Variants in MYRIP observed in about 807,000 individuals in gnomAD.
The protein encoded by MYRIP is rab effector MyRIP.
MYRIP carries 49 observed loss-of-function variants against 98.0 expected under a neutral mutation model. The ratio of observed to expected loss-of-function variants is 0.50; its 90% CI spans 0.40 to 0.63. The LOEUF is 0.63. Ranked by LOEUF, MYRIP falls within the 30% of genes least tolerant of loss-of-function variation. MYRIP has a pLI of 0.00. For synonymous variants in MYRIP, 404 were observed against 409.5 expected (o/e 0.99, Z 0.16); for missense variants, 1,004 against 1,058.2 (o/e 0.95, Z 0.71).
At chr3:40,035,241 T>TA (rs571477346) in intron 2 of MYRIP, among the ~76,000 whole-genome samples, 187 of 150,796 alleles carry the variant, frequency 1.2e-3, no homozygotes, top group Non-Finnish European at 2.1e-3. Context: ...TTTTAAAAAT[T>TA]AAAAAAAAGA....
intron 11 of MYRIP, among the ~76,000 whole-genome samples, chr3:40,215,516 G>A (rs947398625): frequency 6.6e-6 from 1 of 152,078 alleles, no homozygotes; most frequent in African/African-American, 2.4e-5. Context: ...CCCAATCCTG[G>A]TGAATGGTGA....
chr3:40,222,138 C>T (rs1037508996), intron 11 of MYRIP, among the ~76,000 whole-genome samples: 3 of 152,202 alleles, frequency 2.0e-5, no homozygotes, highest in South Asian at 2.1e-4. Flanking sequence ...AGGTACTGCT[C>T]CTTGCACAGC....
Position 40,209,562 on chromosome 3 carries a change from C to T in MYRIP, c.1666-292C>T, listed in dbSNP as rs547034546. 1.5e-3 allele frequency among the ~76,000 whole-genome samples: 224 copies of T among 151,926 alleles called. 3 individuals are homozygous for T. Among genetic ancestry groups the T allele is most frequent in the African/African-American group, 5.2e-3 (215 of 41,418 alleles). On this transcript the variant is annotated intron_variant, in intron 10 of 16. Coordinates refer to ENST00000302541, the MANE Select transcript of MYRIP (RefSeq NM_015460.4). The stretch of plus-strand genomic sequence containing the variant: ...GGTCAGGTTCTCCAAGCATCCTTTG[C>T]ACCAGCACAGTGCTGCCCATGGTAG...
intron 2 of MYRIP, among the ~76,000 whole-genome samples, chr3:39,962,633 G>C (rs1325838901): frequency 6.6e-6 from 1 of 152,078 alleles, no homozygotes; most frequent in Admixed American, 6.6e-5. Flanking sequence ...GGGCTGTAGT[G>C]CAGTTACTTC....
chr3:40,084,987 AAT>A (rs1307186336), intron 3 of MYRIP, among the ~76,000 whole-genome samples: 2 of 150,134 alleles, frequency 1.3e-5, no homozygotes, highest in African/African-American at 2.5e-5. Flanking sequence ...ACATATCGAT[AAT>A]ATATATCTGT....
At chr3:40,048,869 A>C (rs1372329108) in intron 3 of MYRIP, among the ~76,000 whole-genome samples, 1 of 152,206 alleles carries the variant, frequency 6.6e-6, no homozygotes, top group African/African-American at 2.4e-5. Flanking sequence ...TGGAAGTTCT[A>C]TAGAAAATGG....
At chr3:39,972,138 A>G (rs1945599304) in intron 2 of MYRIP, among the ~76,000 whole-genome samples, 1 of 152,080 alleles carries the variant, frequency 6.6e-6, no homozygotes, top group Non-Finnish European at 1.5e-5. Context: ...ACTTTTTATA[A>G]TATCTTATAT....
At chr3:40,235,277 CAA>C (rs1952796060) in intron 12 of MYRIP, among the ~76,000 whole-genome samples, 1 of 152,076 alleles carries the variant, frequency 6.6e-6, no homozygotes, top group Non-Finnish European at 1.5e-5. Context: ...ATCTGCCAAT[CAA>C]GAGGAAAATG....
intron 2 of MYRIP, among the ~76,000 whole-genome samples, chr3:39,959,350 A>G (rs1279071303): frequency 6.6e-6 from 1 of 152,224 alleles, no homozygotes; most frequent in East Asian, 1.9e-4. Context: ...GCCATACAAA[A>G]GGATGAGTTC....
At chr3:39,835,774 T>A (rs1941600916) in intron 1 of MYRIP, among the ~76,000 whole-genome samples, 1 of 152,222 alleles carries the variant, frequency 6.6e-6, no homozygotes, top group African/African-American at 2.4e-5. Flanking sequence ...CCCCAGTGTG[T>A]GATATTCCCC....
chr3:39,809,158 G>C (rs1458085529), upstream of MYRIP, among the ~76,000 whole-genome samples: 1 of 152,144 alleles, frequency 6.6e-6, no homozygotes, highest in African/African-American at 2.4e-5. Context: ...ATTCAGGCAG[G>C]CCCCGGATTC....
At chr3:40,030,864 C>G in intron 2 of MYRIP, among the ~76,000 whole-genome samples, 1 of 151,996 alleles carries the variant, frequency 6.6e-6, no homozygotes, top group East Asian at 1.9e-4. Flanking sequence ...CTTTTTGATG[C>G]GATGAAAATG....
intron 1 of MYRIP, among the ~76,000 whole-genome samples, chr3:39,871,571 C>T (rs1320736240): frequency 2.0e-5 from 3 of 151,896 alleles, no homozygotes; most frequent in Non-Finnish European, 4.4e-5. Flanking sequence ...TCTTTCGACT[C>T]AATTTCTCTC....
chr3:40,041,022 G>GAAAAAAAAAA, intron 2 of MYRIP, among the ~76,000 whole-genome samples: 4 of 41,210 alleles, frequency 9.7e-5, no homozygotes, highest in East Asian at 6.7e-4. Flanking sequence ...ATTACCAGCA[G>GAAAAAAAAAA]AAAAAAAAAA....
chr3:40,101,104 T>C (rs1284940933), intron 3 of MYRIP, among the ~76,000 whole-genome samples: 1 of 152,208 alleles, frequency 6.6e-6, no homozygotes, highest in Non-Finnish European at 1.5e-5. Context: ...CTTACCCTTT[T>C]TGTTTTTACA....
chr3:39,811,740 C>T (rs1940702042), intron 1 of MYRIP, among the ~76,000 whole-genome samples: 1 of 150,776 alleles, frequency 6.6e-6, no homozygotes, highest in East Asian at 1.9e-4. Flanking sequence ...CTTGGTGGCG[C>T]AGTGTTCTGT....
intron 3 of MYRIP, among the ~76,000 whole-genome samples, chr3:40,132,881 C>T (rs115625489): frequency 0.015 from 2,294 of 152,376 alleles, 28 homozygotes; most frequent in Non-Finnish European, 0.024. Flanking sequence ...GACTCATCCC[C>T]CATCCCAGTC....
chr3:39,963,723 G>T (rs1018585666), intron 2 of MYRIP, among the ~76,000 whole-genome samples: 9 of 152,098 alleles, frequency 5.9e-5, no homozygotes, highest in African/African-American at 1.4e-4. Context: ...ATCTGAACAT[G>T]TGTATATTTA....
chr3:40,016,541 T>C (rs560335092), intron 2 of MYRIP, among the ~76,000 whole-genome samples: 2 of 152,258 alleles, frequency 1.3e-5, no homozygotes, highest in East Asian at 3.9e-4. Context: ...GAGTTCCCCA[T>C]GGGGTCAGAC....
Sources: gnomAD v4.1 joint callset for allele counts (sites outside exome capture counted in the v4.1 genomes callset) on GRCh38, gnomAD v4.1.1 for gene constraint, MANE v1.5 for transcripts, NCBI Gene and HGNC (gene_info 2026-07-23, HGNC 2026-07-21) for gene names.